The following ZNF831 variants were observed in gnomAD, a reference collection of about 807,000 sequenced individuals.
The protein encoded by ZNF831 is chromosome 20 open reading frame 174.
Under a neutral mutation model 95.8 loss-of-function variants are expected in ZNF831, and 59 were observed. The observed-to-expected ratio is 0.62, with a 90% CI of 0.50 to 0.77. The LOEUF (loss-of-function observed/expected upper bound fraction) is 0.77. Ranked by LOEUF, ZNF831 falls within the 30% of genes least tolerant of loss-of-function variation. The pLI is 0.00. For missense variants in ZNF831, 2,205 were observed against 2,164.0 expected, an observed-to-expected ratio of 1.02 and a Z score of -0.38; for synonymous variants, 961 against 925.5, an observed-to-expected ratio of 1.04 and a Z score of -0.70.
chr20:59,254,800 ATGT>A lies in ZNF831; in HGVS notation c.*61_*63del, dbSNP rs2146775152. ...AAGACTGTTGACGCTTCACAAGTAAATGTTGTCAGGCTGGCGGAAGAACTAAAC... is the reference window on the plus strand; with the variant it reads ...AAGACTGTTGACGCTTCACAAGTAAATGTCAGGCTGGCGGAAGAACTAAAC... On this transcript the variant is annotated 3_prime_UTR_variant, in exon 6 of 6. Coordinates refer to ENST00000371030, the MANE Select transcript of ZNF831 (RefSeq NM_178457.3). The surrounding 1 kb of genome is among the most constrained non-coding windows in gnomAD (Gnocchi z 4.5). 9 of 1,542,130 alleles carry A rather than the reference ATGT, an allele frequency of 5.8e-6. No individual in the cohort carries two copies. The South Asian group carries it at 1.0e-4, about 18-fold the overall frequency.
At chr20:59,163,047 G>A (rs1426149012), upstream of ZNF831, among the ~76,000 whole-genome samples, 2 of 151,592 alleles carry the variant, frequency 1.3e-5, no homozygotes, top group African/African-American at 4.9e-5. Context: ...GTGTGTGTGT[G>A]TGTGTTGCTA....
chr20:59,191,790 G>T lies in ZNF831; in HGVS notation c.771G>T (p.Lys257Asn), dbSNP rs2146553862. The T allele has an allele frequency of 1.2e-6, 2 of 1,612,778 alleles. No individual in the cohort carries two copies. Among genetic ancestry groups the T allele is most frequent in the South Asian group, 1.1e-5 (1 of 91,076 alleles). The change falls in exon 2 of 6, where the codon AAG becomes AAT. Residue 257 changes from lysine to asparagine, a missense_variant. Physicochemically the swap from Lys to Asn is moderately conservative, Grantham distance 94 (BLOSUM62 0). Transcript: ENST00000371030. ...SPGAHVPLLA[K>N]NLDVRTEAAP... ...GTGCCCACGTGCCCCTACTTGCCAA[G>T]AACCTGGATGTGAGGACCGAAGCTG...
At chr20:59,134,551 T>C (rs1393374389) in intron 1 of ZNF831, among the ~76,000 whole-genome samples, 6 of 152,188 alleles carry the variant, frequency 3.9e-5, no homozygotes, top group Non-Finnish European at 8.8e-5. Context: ...ACAGGTGAGA[T>C]ACTGGACCTC....
chr20:59,231,189 T>G (rs1282992269), intron 4 of ZNF831, among the ~76,000 whole-genome samples: 3 of 152,206 alleles, frequency 2.0e-5, no homozygotes, highest in African/African-American at 7.2e-5. Flanking sequence ...CGGTCATACT[T>G]AGCTGTAAGG....
At position 59,192,900 on chromosome 20, in the gene ZNF831, G is replaced by A. The variant is rs897499317; in HGVS notation, c.1881G>A (p.Thr627=). ...AGTGGCAGGTGTACGGGGATGAGAC[G>A]TTCAAAAGGATCTACCAGAAAATGA... is the stretch of plus-strand genomic sequence containing the variant. ...QEKWQVYGDE[T]FKRIYQKMKA... is the part of the protein sequence containing the mutation. Residue 627 remains threonine, a synonymous_variant, in exon 2 of 6, where the codon ACG becomes ACA. Coordinates refer to ENST00000371030, the MANE Select transcript of ZNF831 (RefSeq NM_178457.3). This position sits in a 1 kb window ranked among gnomAD's most constrained non-coding sequence, Gnocchi z 5.2. 2.5e-6 allele frequency: 4 copies of A among 1,596,248 alleles called. No homozygotes were observed. Among genetic ancestry groups the A allele is most frequent in the East Asian group, 2.2e-5 (1 of 44,842 alleles).
At position 59,217,554 on chromosome 20, in the gene ZNF831, C is replaced by G. The variant is rs867411775; in HGVS notation, c.4027+10498C>G. On this transcript the variant is annotated intron_variant, in intron 4 of 5. Coordinates refer to ENST00000371030, the MANE Select transcript of ZNF831 (RefSeq NM_178457.3). The surrounding 1 kb of genome is among the most constrained non-coding windows in gnomAD (Gnocchi z 4.4). Reference sequence around the variant, plus strand: ...AATTGCTTCCCAGTTTATACCCCTACCAGTAGCATATTAAATACCTCTCTT... The same window carrying G: ...AATTGCTTCCCAGTTTATACCCCTAGCAGTAGCATATTAAATACCTCTCTT... Among the ~76,000 whole-genome samples the G allele has an allele frequency of 6.6e-5, 10 of 152,182 alleles. No homozygotes were observed. The highest frequency in any genetic ancestry group is 2.1e-4 in the South Asian group (1 of 4,830).
intron 2 of ZNF831, among the ~76,000 whole-genome samples, chr20:59,155,374 GTC>G (rs1568729125): frequency 6.6e-6 from 1 of 152,220 alleles, no homozygotes; most frequent in Non-Finnish European, 1.5e-5. Context: ...GTGCAGCTGT[GTC>G]TCTGTCTGCA....
chr20:59,215,781 T>A (rs948837578), intron 4 of ZNF831, among the ~76,000 whole-genome samples: 1 of 152,212 alleles, frequency 6.6e-6, no homozygotes, highest in African/African-American at 2.4e-5. Flanking sequence ...AAAACTTAAG[T>A]CCAATTATTT....
intron 4 of ZNF831, among the ~76,000 whole-genome samples, chr20:59,215,155 T>C (rs1985593521): frequency 6.6e-6 from 1 of 152,244 alleles, no homozygotes; most frequent in Non-Finnish European, 1.5e-5. Context: ...AGTGCTCTTA[T>C]ATATTTCCTT....
chr20:59,222,186 G>A (rs992864665), intron 4 of ZNF831, among the ~76,000 whole-genome samples: 1 of 152,218 alleles, frequency 6.6e-6, no homozygotes, highest in Non-Finnish European at 1.5e-5. Flanking sequence ...GGCAGGAAGC[G>A]ATCAACGCAG....
chr20:59,176,490 T>C (rs1982173559), intron 1 of ZNF831, among the ~76,000 whole-genome samples: 1 of 152,162 alleles, frequency 6.6e-6, no homozygotes, highest in East Asian at 1.9e-4. Context: ...ATACATCCCA[T>C]TGAGAGATGG....
intron 2 of ZNF831, among the ~76,000 whole-genome samples, chr20:59,155,913 G>A (rs1980511714): frequency 6.6e-6 from 1 of 152,090 alleles, no homozygotes; most frequent in Non-Finnish European, 1.5e-5. Context: ...CCACCCAAAG[G>A]TACATGATGA....
intron 4 of ZNF831, among the ~76,000 whole-genome samples, chr20:59,211,730 C>T (rs1205311023): frequency 1.3e-5 from 2 of 151,904 alleles, no homozygotes; most frequent in Admixed American, 6.6e-5. Context: ...TGACCTGGCG[C>T]GTCCTGGATG....
At chr20:59,207,915 T>C (rs1985014433) in intron 4 of ZNF831, among the ~76,000 whole-genome samples, 1 of 152,236 alleles carries the variant, frequency 6.6e-6, no homozygotes, top group African/African-American at 2.4e-5. Context: ...GGGGCAACTC[T>C]GCCTCCACCT....
At chr20:59,125,096 G>C (rs912494301) in intron 1 of ZNF831, among the ~76,000 whole-genome samples, 1 of 152,186 alleles carries the variant, frequency 6.6e-6, no homozygotes, top group South Asian at 2.1e-4. Flanking sequence ...TTGGCTGGAC[G>C]TTATTAGGAC....
intron 4 of ZNF831, among the ~76,000 whole-genome samples, chr20:59,245,426 C>A (rs1404157475): frequency 6.6e-6 from 1 of 152,178 alleles, no homozygotes; most frequent in Non-Finnish European, 1.5e-5. Context: ...CCCGAATTAG[C>A]AATTTGTCTG....
chr20:59,153,542 C>T (rs1180335218), intron 2 of ZNF831, among the ~76,000 whole-genome samples: 1 of 152,140 alleles, frequency 6.6e-6, no homozygotes, highest in Non-Finnish European at 1.5e-5. Flanking sequence ...GCCTGGGTGC[C>T]CCGCTGCCAA....
rs748101292 is a variant in ZNF831, at chr20:59,193,188, C to A, written c.2169C>A (p.Pro723=). ...TVARRGDSDR[P]RVEEAVSSPA... is the part of the protein sequence containing the mutation. ...CCAGGAGAGGAGACAGTGACCGACCCAGGGTGGAAGAGGCTGTGTCATCCC... is the reference window on the plus strand; with the variant it reads ...CCAGGAGAGGAGACAGTGACCGACCAAGGGTGGAAGAGGCTGTGTCATCCC... The change falls in exon 2 of 6, where the codon CCC becomes CCA. Residue 723 remains proline, a synonymous_variant. Transcript: ENST00000371030. 1 of 1,579,220 alleles carries A rather than the reference C, an allele frequency of 6.3e-7. No homozygotes were observed. Among genetic ancestry groups the A allele is most frequent in the East Asian group, 2.3e-5 (1 of 42,600 alleles).
At chr20:59,130,761 T>G (rs1462835679) in intron 1 of ZNF831, among the ~76,000 whole-genome samples, 1 of 152,102 alleles carries the variant, frequency 6.6e-6, no homozygotes, top group Non-Finnish European at 1.5e-5. Flanking sequence ...TTAATGGATA[T>G]TCTGAATGGT....
Sources: allele counts gnomAD v4.1 joint callset (sites outside exome capture counted in the v4.1 genomes callset), GRCh38; gene constraint gnomAD v4.1.1; non-coding constraint Gnocchi (gnomAD v3.1); transcripts MANE v1.5; gene names NCBI Gene and HGNC (gene_info 2026-07-23, HGNC 2026-07-21).